Variants in CCDC3 observed in about 807,000 individuals in gnomAD.
CCDC3 encodes coiled-coil domain containing 3.
Under a neutral mutation model 21.4 loss-of-function variants are expected in CCDC3, and 24 were observed. The observed-to-expected ratio is 1.12, with a 90% CI of 0.81 to 1.58. The LOEUF is 1.58. CCDC3 is among the 40% of genes most tolerant of loss of function. The pLI is 0.00. For synonymous variants in CCDC3, 186 were observed against 166.0 expected (o/e 1.12, Z -0.93); for missense variants, 425 against 360.9 (o/e 1.18, Z -1.44).
At chr10:12,964,605 G>A (rs573074725) in intron 2 of CCDC3, among the ~76,000 whole-genome samples, 1 of 152,278 alleles carries the variant, frequency 6.6e-6, no homozygotes, top group Admixed American at 6.5e-5. Context: ...ACCCGTGCCT[G>A]GAGCTACCAC....
rs56054100 is a variant in CCDC3, at chr10:12,917,180, C to CTTTTT, written c.550-18506_550-18502dup. Among the ~76,000 whole-genome samples the CTTTTT allele has an allele frequency of 1.0e-3, 61 of 58,222 alleles. 2 individuals carry two copies. Among genetic ancestry groups the CTTTTT allele is most frequent in the African/African-American group, 3.7e-3 (55 of 14,788 alleles). 38.2% of individuals were successfully genotyped at this position (58,222 alleles called of 152,430 possible). On this transcript the variant is annotated intron_variant, in intron 2 of 2. Coordinates refer to ENST00000378825, the MANE Select transcript of CCDC3 (RefSeq NM_031455.4). ...GTTGGAAATGTCCTTATTTCTTCTT[C>CTTTTT]TTTTTTTTTTTTTTTTTTTTTTTTT...
In CCDC3 at chr10:13,080,212, C is replaced by A. The variant is rs574197253; in HGVS notation, c.-502-6112G>T. Among the ~76,000 whole-genome samples, 12 of 151,130 alleles carry A rather than the reference C, an allele frequency of 7.9e-5. No homozygotes were observed. The South Asian group carries it at 1.1e-3, about 13-fold the overall frequency. ...ATGGCAAAGAGAGAGAGAGAGAGAG[C>A]GAGAGCGAGCAAATGAAAGAGAGAT... On this transcript the variant is annotated intron_variant, in intron 3 of 6. Coordinates refer to the CCDC3 transcript ENST00000378839.
At chr10:13,021,489 G>A (rs1589042512) in intron 5 of CCDC3, among the ~76,000 whole-genome samples, 1 of 152,268 alleles carries the variant, frequency 6.6e-6, no homozygotes, top group East Asian at 1.9e-4. Flanking sequence ...TCTTTCCTGT[G>A]GCAGCTTCTC....
At chr10:13,042,741 T>G (rs1836475569) in intron 5 of CCDC3, among the ~76,000 whole-genome samples, 1 of 151,842 alleles carries the variant, frequency 6.6e-6, no homozygotes, top group South Asian at 2.1e-4. Flanking sequence ...ACCCTGTCTC[T>G]ACTAAAAATA....
intron 3 of CCDC3, among the ~76,000 whole-genome samples, chr10:13,089,710 G>A (rs1837157728): frequency 6.6e-6 from 1 of 151,614 alleles, no homozygotes; most frequent in African/African-American, 2.4e-5. Flanking sequence ...AGGTTATTGG[G>A]GAGCAGGTGG....
intron 3 of CCDC3, among the ~76,000 whole-genome samples, chr10:13,084,700 C>G (rs1210164890): frequency 1.3e-5 from 2 of 152,172 alleles, no homozygotes; most frequent in Non-Finnish European, 2.9e-5. Context: ...GGACTCCTTT[C>G]CAGTAACATT....
intron 5 of CCDC3, among the ~76,000 whole-genome samples, chr10:13,033,646 A>C (rs1283594006): frequency 6.6e-6 from 1 of 152,256 alleles, no homozygotes; most frequent in Non-Finnish European, 1.5e-5. Flanking sequence ...AATTTACAAG[A>C]AAAAAGCAAA....
At chr10:13,049,016 C>T (rs773709760) in intron 5 of CCDC3, among the ~76,000 whole-genome samples, 1 of 152,038 alleles carries the variant, frequency 6.6e-6, no homozygotes, top group Non-Finnish European at 1.5e-5. Context: ...GAGAGGGAGG[C>T]CTCCTAAGTT....
At chr10:13,040,376 G>T (rs949404445) in intron 5 of CCDC3, among the ~76,000 whole-genome samples, 1 of 152,144 alleles carries the variant, frequency 6.6e-6, no homozygotes, top group African/African-American at 2.4e-5. Flanking sequence ...TATCAGTGGA[G>T]GTTGAACAAC....
At chr10:13,030,885 C>A (rs562444698) in intron 5 of CCDC3, among the ~76,000 whole-genome samples, 57 of 152,248 alleles carry the variant, frequency 3.7e-4, no homozygotes, top group South Asian at 8.3e-4. Context: ...GACTCCCACA[C>A]AATAATAATG....
At chr10:12,899,342 C>G (rs569424276) in intron 2 of CCDC3, among the ~76,000 whole-genome samples, 1 of 152,126 alleles carries the variant, frequency 6.6e-6, no homozygotes, top group Non-Finnish European at 1.5e-5. Context: ...ATTTCAGAGT[C>G]AGGATTTGGG....
intron 1 of CCDC3, among the ~76,000 whole-genome samples, chr10:12,999,645 CCTAA>C (rs1384211311): frequency 6.6e-6 from 1 of 152,120 alleles, no homozygotes; most frequent in Non-Finnish European, 1.5e-5. Context: ...GTATTTCTGC[CCTAA>C]CTTTTGTAAA....
intron 1 of CCDC3, chr10:13,099,368 C>T (rs1221205098): frequency 6.8e-6 from 1 of 146,604 alleles, no homozygotes; most frequent in South Asian, 2.3e-4. Context: ...CTCTCTCCCT[C>T]CCTCCCTCTC....
At chr10:12,995,505 GT>G (rs1431693368) in intron 2 of CCDC3, among the ~76,000 whole-genome samples, 1 of 152,234 alleles carries the variant, frequency 6.6e-6, no homozygotes, top group Admixed American at 6.5e-5. Context: ...GCCTCCCAAT[GT>G]GCTGGGAATA....
chr10:12,999,148 G>A (rs1835809359), intron 1 of CCDC3, among the ~76,000 whole-genome samples: 2 of 152,182 alleles, frequency 1.3e-5, no homozygotes, highest in Admixed American at 1.3e-4. Context: ...GCTGAGGCAG[G>A]AGAATCACTT....
chr10:12,921,159 A>C, intron 2 of CCDC3, among the ~76,000 whole-genome samples: 1 of 152,186 alleles, frequency 6.6e-6, no homozygotes, highest in Non-Finnish European at 1.5e-5. Context: ...CTTCTTCCAT[A>C]ATCTCTCTTT....
intron 2 of CCDC3, among the ~76,000 whole-genome samples, chr10:12,938,414 G>A (rs182355890): frequency 8.1e-4 from 123 of 152,292 alleles, no homozygotes; most frequent in Non-Finnish European, 1.2e-3. Flanking sequence ...ACTTTCTCCT[G>A]TGGCTATCCC....
intron 3 of CCDC3, chr10:13,074,153 A>ATATATATATATATATATATATTTT (rs1365749317): frequency 3.1e-5 from 2 of 64,292 alleles, no homozygotes; most frequent in African/African-American, 1.4e-4. Flanking sequence ...ATATATATAT[A>ATATATATATATATATATATATTTT]TTTTTTTTTT....
At chr10:13,058,788 T>C in intron 4 of CCDC3, 1 of 201,526 alleles carries the variant, frequency 5.0e-6, no homozygotes, top group Non-Finnish European at 1.0e-5. Flanking sequence ...GCAGGACTTG[T>C]TGTTTGGAGG....
Sources: gnomAD v4.1 joint callset for allele counts (sites outside exome capture counted in the v4.1 genomes callset) on GRCh38, gnomAD v4.1.1 for gene constraint, MANE v1.5 for transcripts, NCBI Gene and HGNC (gene_info 2026-07-23, HGNC 2026-07-21) for gene names.